The following STEAP1B variants were observed in gnomAD, a reference collection of about 807,000 sequenced individuals.
STEAP1B encodes the protein STEAP family member 1B.
STEAP1B carries 13 observed loss-of-function variants against 27.9 expected under a neutral mutation model. The observed-to-expected ratio is 0.47, with a 90% confidence interval of 0.30 to 0.74. The LOEUF (loss-of-function observed/expected upper bound fraction) is 0.74, where lower values mean the gene tolerates loss of function less well. STEAP1B is among the 30% of genes least tolerant of loss of function. The probability of loss-of-function intolerance (pLI) is 0.06; values close to 1 mark genes in which losing one functional copy is unlikely to be tolerated. For missense variants in STEAP1B, 250 were observed against 298.7 expected (o/e 0.84, Z 1.20); for synonymous variants, 86 against 107.1 (o/e 0.80, Z 1.22).
chr7:22,448,461 C>CA (rs769671189), intron 4 of STEAP1B, among the ~76,000 whole-genome samples: 5 of 152,198 alleles, frequency 3.3e-5, no homozygotes, highest in South Asian at 2.1e-4. Context: ...TAAGGGACCT[C>CA]ACGCTTAAAA....
intron 4 of STEAP1B, among the ~76,000 whole-genome samples, chr7:22,474,107 G>A (rs544861302): frequency 9.9e-5 from 15 of 152,278 alleles, no homozygotes; most frequent in African/African-American, 3.6e-4. Flanking sequence ...GGCAGTGTCT[G>A]TTGCTTTGAA....
In STEAP1B at chr7:22,450,325, C is replaced by G. The variant is rs73286180; in HGVS notation, c.763-30489G>C. On this transcript the variant is annotated intron_variant, in intron 4 of 4. Transcript: ENST00000678116. ...TACTTGGGATCTTAGATTTAAATGT[C>G]TAATCCATTTTGATTTGAGTTTTGT... 2.3e-3 allele frequency among the ~76,000 whole-genome samples: 345 copies of G among 152,298 alleles called. 3 individuals carry two copies. The highest frequency in any genetic ancestry group is 7.8e-3 in the African/African-American group (325 of 41,562).
chr7:22,479,285 C>T (rs537593925), intron 4 of STEAP1B, among the ~76,000 whole-genome samples: 2 of 152,218 alleles, frequency 1.3e-5, no homozygotes, highest in East Asian at 1.9e-4. Flanking sequence ...GGGGGCAAAA[C>T]GTGATGCCGG....
At chr7:22,474,155 G>A (rs78838642) in intron 4 of STEAP1B, among the ~76,000 whole-genome samples, 3,466 of 152,078 alleles carry the variant, frequency 0.023, 49 homozygotes, top group South Asian at 0.03. Context: ...TACAAATATC[G>A]TTCATTGTAT....
chr7:22,487,856 T>G (rs1244565389), intron 4 of STEAP1B, among the ~76,000 whole-genome samples: 1 of 151,114 alleles, frequency 6.6e-6, no homozygotes, highest in Non-Finnish European at 1.5e-5. Flanking sequence ...CACATAGATT[T>G]ACTATATTGC....
chr7:22,470,996 T>C (rs1226379761), intron 4 of STEAP1B, among the ~76,000 whole-genome samples: 1 of 152,202 alleles, frequency 6.6e-6, no homozygotes, highest in Non-Finnish European at 1.5e-5. Context: ...TTCCACAATT[T>C]GTACCAATAA....
intron 4 of STEAP1B, among the ~76,000 whole-genome samples, chr7:22,460,842 C>T (rs1785666019): frequency 6.6e-6 from 1 of 152,116 alleles, no homozygotes; most frequent in South Asian, 2.1e-4. Flanking sequence ...ATTTTCAGCT[C>T]ATTATATACA....
At chr7:22,424,294 C>T (rs887910549) in intron 4 of STEAP1B, among the ~76,000 whole-genome samples, 6 of 152,226 alleles carry the variant, frequency 3.9e-5, no homozygotes, top group African/African-American at 1.4e-4. Context: ...TTTGTAAAGA[C>T]TTCATAGAAA....
At chr7:22,488,776 C>T (rs1007739393) in intron 4 of STEAP1B, among the ~76,000 whole-genome samples, 2 of 152,152 alleles carry the variant, frequency 1.3e-5, no homozygotes, top group African/African-American at 4.8e-5. Context: ...CAGACCTGAA[C>T]CGCACAGACC....
At chr7:22,463,468 C>A (rs1340569090) in intron 4 of STEAP1B, among the ~76,000 whole-genome samples, 9 of 152,142 alleles carry the variant, frequency 5.9e-5, no homozygotes, top group South Asian at 4.1e-4. Context: ...TAAAGTTCAT[C>A]TGGAACTGAA....
chr7:22,497,611 A>C (rs1412760895), intron 1 of STEAP1B, among the ~76,000 whole-genome samples: 1 of 152,232 alleles, frequency 6.6e-6, no homozygotes, highest in African/African-American at 2.4e-5. Context: ...AATGACACTC[A>C]TGCCTGCTCT....
intron 4 of STEAP1B, among the ~76,000 whole-genome samples, chr7:22,433,210 AC>A (rs1274422447): frequency 6.6e-6 from 1 of 152,188 alleles, no homozygotes; most frequent in African/African-American, 2.4e-5. Context: ...ACCCCAAAAG[AC>A]AGAGAACCTG....
At chr7:22,490,352 A>C (rs1370587157) in intron 4 of STEAP1B, among the ~76,000 whole-genome samples, 1 of 152,074 alleles carries the variant, frequency 6.6e-6, no homozygotes, top group Non-Finnish European at 1.5e-5. Flanking sequence ...CCTCTATGTA[A>C]GCCCTCTTTT....
intron 4 of STEAP1B, among the ~76,000 whole-genome samples, chr7:22,464,023 T>C (rs1343062979): frequency 3.9e-5 from 6 of 151,968 alleles, no homozygotes; most frequent in Non-Finnish European, 8.8e-5. Context: ...ACAGGCAACC[T>C]ACAAAATGGG....
intron 4 of STEAP1B, among the ~76,000 whole-genome samples, chr7:22,451,025 T>A (rs1785479659): frequency 6.6e-6 from 1 of 152,004 alleles, no homozygotes; most frequent in Non-Finnish European, 1.5e-5. Context: ...TGAAACCTTG[T>A]CTCCACTACA....
intron 4 of STEAP1B, among the ~76,000 whole-genome samples, chr7:22,458,169 A>T (rs1221880352): frequency 6.6e-6 from 1 of 152,230 alleles, no homozygotes; most frequent in Non-Finnish European, 1.5e-5. Flanking sequence ...ATCAGGTGAC[A>T]ACTATGTGCC....
intron 4 of STEAP1B, among the ~76,000 whole-genome samples, chr7:22,456,962 A>ATTTTTTT (rs1203176514): frequency 1.2e-4 from 4 of 33,248 alleles, no homozygotes; most frequent in African/African-American, 2.8e-4. Context: ...CTATATATAT[A>ATTTTTTT]TATATATATA....
chr7:22,483,119 A>G (rs1321327583), intron 4 of STEAP1B, among the ~76,000 whole-genome samples: 2 of 152,088 alleles, frequency 1.3e-5, no homozygotes, highest in Non-Finnish European at 2.9e-5. Flanking sequence ...GGGTAGGGAG[A>G]GAAGTTTTGG....
intron 4 of STEAP1B, among the ~76,000 whole-genome samples, chr7:22,456,982 T>A (rs1165853904): frequency 1.6e-4 from 13 of 83,020 alleles, no homozygotes; most frequent in Admixed American, 2.6e-4. Flanking sequence ...ATTTTTTTTT[T>A]TTTTAAGTAT....
Sources: allele counts gnomAD v4.1 joint callset (sites outside exome capture counted in the v4.1 genomes callset), GRCh38; gene constraint gnomAD v4.1.1; transcripts MANE v1.5; gene names NCBI Gene and HGNC (gene_info 2026-07-23, HGNC 2026-07-21).